The following NKAIN3 variants were observed in gnomAD, a reference collection of about 807,000 sequenced individuals.
NKAIN3 encodes the protein sodium/potassium-transporting ATPase subunit beta-1-interacting protein 3.
In NKAIN3, 25 loss-of-function variants were observed where a neutral mutation model predicts 30.2. The ratio of observed to expected loss-of-function variants is 0.83; its 90% CI spans 0.60 to 1.16. NKAIN3 has a LOEUF of 1.16. Among genes scored for constraint, NKAIN3 ranks in the 50% most tolerant of loss-of-function variants. The pLI is 0.00. For synonymous variants in NKAIN3, 91 were observed against 89.6 expected (o/e 1.02, Z -0.09); for missense variants, 225 against 254.1 (o/e 0.89, Z 0.78).
At chr8:62,367,314 T>C (rs1306974121) in intron 1 of NKAIN3, among the ~76,000 whole-genome samples, 1 of 152,006 alleles carries the variant, frequency 6.6e-6, no homozygotes, top group East Asian at 1.9e-4. Context: ...GATGCAAAAA[T>C]TCTCATCAAA....
chr8:62,882,430 G>C (rs1203794139), intron 4 of NKAIN3, among the ~76,000 whole-genome samples: 1 of 152,048 alleles, frequency 6.6e-6, no homozygotes, highest in Non-Finnish European at 1.5e-5. Flanking sequence ...TGATTCTCCT[G>C]CCTCAATCCC....
chr8:62,367,063 A>G (rs1816760418), intron 1 of NKAIN3, among the ~76,000 whole-genome samples: 1 of 152,160 alleles, frequency 6.6e-6, no homozygotes. Context: ...GATACTTGAT[A>G]TTATTTCAGT....
chr8:62,722,832 G>T (rs1426650676), intron 3 of NKAIN3, among the ~76,000 whole-genome samples: 1 of 152,030 alleles, frequency 6.6e-6, no homozygotes, highest in Non-Finnish European at 1.5e-5. Context: ...AACATCTCAT[G>T]GCTACAGTGA....
intron 1 of NKAIN3, among the ~76,000 whole-genome samples, chr8:62,367,636 T>C (rs1258273745): frequency 6.6e-6 from 1 of 152,140 alleles, no homozygotes; most frequent in Non-Finnish European, 1.5e-5. Context: ...ATATTTATGC[T>C]CAATGGTGAA....
intron 1 of NKAIN3, among the ~76,000 whole-genome samples, chr8:62,393,767 T>C (rs943607727): frequency 6.6e-6 from 1 of 152,102 alleles, no homozygotes; most frequent in African/African-American, 2.4e-5. Flanking sequence ...CTTAACTTTT[T>C]AAAGCAATGC....
rs1025209345 is a variant in NKAIN3, at chr8:62,968,061, C to T, written c.*2654C>T. ...CTTAAATATGAAGTTATAACTGTTT[C>T]AATCTCCAACCTCAGCAATCCATAA... is the stretch of plus-strand genomic sequence containing the variant. On this transcript the variant is annotated 3_prime_UTR_variant, in exon 7 of 7. Transcript: ENST00000623646. Among the ~76,000 whole-genome samples the T allele has an allele frequency of 6.6e-6, 1 of 152,152 alleles. No homozygotes were observed. The highest frequency in any genetic ancestry group is 1.5e-5 in the Non-Finnish European group (1 of 68,026).
At chr8:62,576,302 A>G (rs1247139031) in intron 1 of NKAIN3, among the ~76,000 whole-genome samples, 1 of 152,124 alleles carries the variant, frequency 6.6e-6, no homozygotes, top group Non-Finnish European at 1.5e-5. Context: ...AAATGAGCAA[A>G]AGATGCATTT....
chr8:62,787,837 T>C (rs1208751100), intron 4 of NKAIN3, among the ~76,000 whole-genome samples: 1 of 152,070 alleles, frequency 6.6e-6, no homozygotes, highest in Non-Finnish European at 1.5e-5. Context: ...GCTTCATCCA[T>C]GTCCCTACAA....
intron 1 of NKAIN3, 108 bp downstream of exon 1, chr8:62,249,235 C>T (rs779914393): frequency 1.3e-5 from 12 of 932,428 alleles, no homozygotes; most frequent in African/African-American, 5.2e-5. Flanking sequence ...AACGGGTGAA[C>T]AGGGCGCTCC....
chr8:62,499,099 T>C (rs1563426642), intron 1 of NKAIN3, among the ~76,000 whole-genome samples: 1 of 152,158 alleles, frequency 6.6e-6, no homozygotes, highest in East Asian at 1.9e-4. Context: ...CGATAGTAGT[T>C]GTCAGATTGT....
At chr8:62,440,056 G>C (rs1019618766) in intron 1 of NKAIN3, among the ~76,000 whole-genome samples, 3 of 151,920 alleles carry the variant, frequency 2.0e-5, no homozygotes, top group African/African-American at 7.3e-5. Flanking sequence ...GCCAAAATTG[G>C]GTCCTTTGCT....
At chr8:62,599,552 A>G (rs1177199368) in intron 3 of NKAIN3, among the ~76,000 whole-genome samples, 1 of 151,970 alleles carries the variant, frequency 6.6e-6, no homozygotes. Context: ...CATCATCTTT[A>G]TTATTATTGG....
intron 3 of NKAIN3, among the ~76,000 whole-genome samples, chr8:62,713,095 C>T (rs1387396246): frequency 6.6e-6 from 1 of 152,168 alleles, no homozygotes; most frequent in Non-Finnish European, 1.5e-5. Context: ...CTGGGTCATG[C>T]AGGAGCAGTC....
At chr8:62,687,029 T>C (rs1044060115) in intron 3 of NKAIN3, among the ~76,000 whole-genome samples, 8 of 152,174 alleles carry the variant, frequency 5.3e-5, no homozygotes, top group Non-Finnish European at 1.2e-4. Flanking sequence ...TAAGGCAACA[T>C]AAGCATAAAG....
chr8:62,552,653 C>G (rs1202210314), intron 1 of NKAIN3, among the ~76,000 whole-genome samples: 1 of 152,152 alleles, frequency 6.6e-6, no homozygotes, highest in Non-Finnish European at 1.5e-5. Flanking sequence ...ATGCTCTTGA[C>G]AAGTATGTAC....
chr8:62,742,824 A>C (rs1376984279), intron 3 of NKAIN3, among the ~76,000 whole-genome samples: 3 of 152,202 alleles, frequency 2.0e-5, no homozygotes, highest in Non-Finnish European at 4.4e-5. Context: ...GATAATTTAT[A>C]AAGGAAAGAA....
At chr8:62,889,055 A>G (rs1432816338) in intron 4 of NKAIN3, among the ~76,000 whole-genome samples, 1 of 152,218 alleles carries the variant, frequency 6.6e-6, no homozygotes, top group African/African-American at 2.4e-5. Flanking sequence ...ATAAAGTAAC[A>G]GTACAATAAA....
At chr8:62,831,988 A>C (rs996913255) in intron 4 of NKAIN3, among the ~76,000 whole-genome samples, 17 of 152,272 alleles carry the variant, frequency 1.1e-4, no homozygotes, top group Admixed American at 3.3e-4. Flanking sequence ...GACCATGTAC[A>C]AAGAGAAGCC....
chr8:62,806,898 G>C (rs550615896), intron 4 of NKAIN3, among the ~76,000 whole-genome samples: 2 of 152,060 alleles, frequency 1.3e-5, no homozygotes, highest in South Asian at 4.2e-4. Flanking sequence ...GTCTACATGA[G>C]ACCAAGCAGG....
Sources: gnomAD v4.1 joint callset for allele counts (sites outside exome capture counted in the v4.1 genomes callset) on GRCh38, gnomAD v4.1.1 for gene constraint, MANE v1.5 for transcripts, NCBI Gene and HGNC (gene_info 2026-07-23, HGNC 2026-07-21) for gene names.